SLC24A2: variants seen among roughly 807,000 people sequenced by gnomAD.
SLC24A2 encodes solute carrier family 24 member 2, also known as sodium/potassium/calcium exchanger 2.
In SLC24A2, 36 loss-of-function variants were observed where a neutral mutation model predicts 62.0. The observed-to-expected ratio is 0.58, with a 90% CI of 0.44 to 0.77. The LOEUF (loss-of-function observed/expected upper bound fraction) is 0.77, where lower values mean the gene tolerates loss of function less well. Among genes scored for constraint, SLC24A2 ranks in the 30% least tolerant of loss-of-function variants. The probability of loss-of-function intolerance (pLI) is 0.00; values close to 1 mark genes in which losing one functional copy is unlikely to be tolerated. For missense variants in SLC24A2, 846 were observed against 817.9 expected, an observed-to-expected ratio of 1.03 and a Z score of -0.42; for synonymous variants, 358 against 294.0, an observed-to-expected ratio of 1.22 and a Z score of -2.23.
chr9:19,941,230 G>C, the SLC24A2 span, among the ~76,000 whole-genome samples: 8 of 135,560 alleles, frequency 5.9e-5, no homozygotes, highest in East Asian at 1.2e-3. Flanking sequence ...TTACTATGGA[G>C]TAGAGACAAA....
At chr9:20,063,988 G>T in the SLC24A2 span, among the ~76,000 whole-genome samples, 2 of 152,068 alleles carry the variant, frequency 1.3e-5, no homozygotes, top group Admixed American at 6.6e-5. Context: ...GAATCTACCT[G>T]AGAAATAAAA....
the SLC24A2 span, among the ~76,000 whole-genome samples, chr9:20,146,221 G>T: frequency 6.6e-6 from 1 of 152,100 alleles, no homozygotes. Flanking sequence ...AGAATGTAAG[G>T]TGGAGGGGCA....
chr9:19,551,210 A>G (rs1032481703), intron 7 of SLC24A2, among the ~76,000 whole-genome samples: 2 of 152,226 alleles, frequency 1.3e-5, no homozygotes, highest in South Asian at 2.1e-4. Flanking sequence ...CTTGCAGCCA[A>G]AGACAACTTA....
chr9:19,853,569 G>A, the SLC24A2 span, among the ~76,000 whole-genome samples: 3 of 152,202 alleles, frequency 2.0e-5, no homozygotes, highest in East Asian at 3.8e-4. Flanking sequence ...AGATAATCAT[G>A]TGGATATTGT....
chr9:20,058,003 A>G, the SLC24A2 span, among the ~76,000 whole-genome samples: 160 of 152,292 alleles, frequency 1.1e-3, 2 homozygotes, highest in African/African-American at 3.6e-3. Flanking sequence ...GTAAACAAAC[A>G]AACAAACAAA....
chr9:20,170,016 C>T, the SLC24A2 span, among the ~76,000 whole-genome samples: 1 of 151,670 alleles, frequency 6.6e-6, no homozygotes, highest in African/African-American at 2.4e-5. Context: ...ACAATTGGCA[C>T]ACTTATAGAA....
the SLC24A2 span, among the ~76,000 whole-genome samples, chr9:19,925,280 C>T: frequency 1.3e-5 from 2 of 152,126 alleles, no homozygotes; most frequent in Non-Finnish European, 2.9e-5. Flanking sequence ...GGAGAAAGCA[C>T]CCTGCTGCTT....
Position 19,509,668 on chromosome 9 carries a change from T to C in SLC24A2, c.*6485A>G, listed in dbSNP as rs144678361. ...ATCTACCCTTAATTTATGCATGTAA[T>C]TTCATCCTTAAAATAATTTTATTCA... is the stretch of plus-strand genomic sequence containing the variant. On this transcript the variant is annotated 3_prime_UTR_variant, in exon 11 of 11. Coordinates refer to ENST00000341998, the MANE Select transcript of SLC24A2 (RefSeq NM_020344.4). The C allele has an allele frequency of 2.6e-4, 40 of 152,360 alleles. No individual in the cohort carries two copies. The highest frequency in any genetic ancestry group is 9.4e-4 in the African/African-American group (39 of 41,594). The allele number at this position is 152,360 out of a possible 1,614,324, so 9.4% of individuals were successfully genotyped here.
the SLC24A2 span, among the ~76,000 whole-genome samples, chr9:20,061,421 G>T: frequency 6.6e-6 from 1 of 152,110 alleles, no homozygotes; most frequent in Non-Finnish European, 1.5e-5. Flanking sequence ...CAAGTAGCTG[G>T]AATTACAGGC....
chr9:20,034,138 T>C, the SLC24A2 span, among the ~76,000 whole-genome samples: 1 of 152,138 alleles, frequency 6.6e-6, no homozygotes, highest in Admixed American at 6.5e-5. Context: ...AAAAGCACTG[T>C]CAGCTCTCAC....
At chr9:19,534,758 C>T (rs908811915) in intron 8 of SLC24A2, among the ~76,000 whole-genome samples, 3 of 152,124 alleles carry the variant, frequency 2.0e-5, no homozygotes, top group Non-Finnish European at 4.4e-5. Flanking sequence ...CAGTCTACCA[C>T]TGATGGACAT....
At chr9:20,068,643 G>A in the SLC24A2 span, among the ~76,000 whole-genome samples, 1 of 152,096 alleles carries the variant, frequency 6.6e-6, no homozygotes, top group South Asian at 2.1e-4. Flanking sequence ...TGATTCAGTG[G>A]TATTCCCTGG....
the SLC24A2 span, among the ~76,000 whole-genome samples, chr9:19,846,294 T>A: frequency 6.6e-6 from 1 of 152,248 alleles, no homozygotes; most frequent in African/African-American, 2.4e-5. Flanking sequence ...TGCGCATATA[T>A]TTGGATAGTT....
chr9:19,644,689 T>C (rs577661840), intron 2 of SLC24A2, among the ~76,000 whole-genome samples: 121 of 152,258 alleles, frequency 7.9e-4, no homozygotes, highest in African/African-American at 2.7e-3. Context: ...ATTTTCTCTA[T>C]ATTTTTATGT....
At chr9:19,624,827 C>T (rs1350046987) in intron 2 of SLC24A2, among the ~76,000 whole-genome samples, 1 of 152,172 alleles carries the variant, frequency 6.6e-6, no homozygotes, top group Non-Finnish European at 1.5e-5. Context: ...TTGCCCATTT[C>T]CAGGGGCTCA....
chr9:19,856,925 G>C, the SLC24A2 span, among the ~76,000 whole-genome samples: 1 of 152,200 alleles, frequency 6.6e-6, no homozygotes, highest in Non-Finnish European at 1.5e-5. Context: ...GAAAGACTAA[G>C]TCCACTGAGC....
intron 3 of SLC24A2, among the ~76,000 whole-genome samples, chr9:19,620,022 G>A (rs1477182647): frequency 6.6e-6 from 1 of 152,142 alleles, no homozygotes; most frequent in Non-Finnish European, 1.5e-5. Flanking sequence ...AGATAGATGA[G>A]GACATTTCAT....
At chr9:20,267,604 A>G in the SLC24A2 span, among the ~76,000 whole-genome samples, 5 of 152,170 alleles carry the variant, frequency 3.3e-5, no homozygotes, top group African/African-American at 1.2e-4. Flanking sequence ...TCACCTTTTC[A>G]TGGGCTCTGA....
chr9:20,104,974 A>T, the SLC24A2 span, among the ~76,000 whole-genome samples: 1 of 152,252 alleles, frequency 6.6e-6, no homozygotes, highest in African/African-American at 2.4e-5. Flanking sequence ...AGAGACACAC[A>T]TAGGCTCAAA....
Sources: allele counts gnomAD v4.1 joint callset (sites outside exome capture counted in the v4.1 genomes callset), GRCh38; gene constraint gnomAD v4.1.1; transcripts MANE v1.5; gene names NCBI Gene and HGNC (gene_info 2026-07-23, HGNC 2026-07-21).